The following ASIC5 variants were observed in gnomAD, a reference collection of about 807,000 sequenced individuals.
ASIC5 encodes the protein bile acid-sensitive ion channel.
A neutral mutation model predicts 51.2 loss-of-function variants in ASIC5; 52 were observed. That is an observed-to-expected ratio of 1.02 (90% CI 0.81 to 1.28). ASIC5 has a LOEUF of 1.28. Among genes scored for constraint, ASIC5 ranks in the 50% most tolerant of loss-of-function variants. The probability of loss-of-function intolerance (pLI) is 0.00; values close to 1 mark genes in which losing one functional copy is unlikely to be tolerated. For synonymous variants in ASIC5, 231 were observed against 200.7 expected (o/e 1.15, Z -1.28); for missense variants, 635 against 595.0 (o/e 1.07, Z -0.70).
At chr4:155,842,388 G>A in intron 5 of ASIC5, 34 bp from the exon 6 acceptor site, 1 of 1,538,046 alleles carries the variant, frequency 6.5e-7, no homozygotes. Flanking sequence ...TTCAGGAGAT[G>A]TGTTTACATC....
intron 2 of ASIC5, among the ~76,000 whole-genome samples, chr4:155,855,754 A>T (rs952846043): frequency 6.6e-6 from 1 of 150,654 alleles, no homozygotes; most frequent in African/African-American, 2.4e-5. Context: ...ATATAAAGAG[A>T]GAAGAAAATA....
At chr4:155,832,332 G>C (rs922773021) in intron 8 of ASIC5, among the ~76,000 whole-genome samples, 1 of 152,194 alleles carries the variant, frequency 6.6e-6, no homozygotes. Context: ...TGAGCTCACA[G>C]AGTTGCAGTG....
At chr4:155,862,809 T>C (rs1161048678) in intron 2 of ASIC5, among the ~76,000 whole-genome samples, 2 of 152,158 alleles carry the variant, frequency 1.3e-5, no homozygotes, top group African/African-American at 4.8e-5. Context: ...TTTTATATCG[T>C]TATGTGTTTG....
At chr4:155,862,211 G>T (rs540446117) in intron 2 of ASIC5, among the ~76,000 whole-genome samples, 1 of 152,016 alleles carries the variant, frequency 6.6e-6, no homozygotes, top group Admixed American at 6.6e-5. Flanking sequence ...CATTTTTTGG[G>T]GGGAAAGGAT....
chr4:155,843,326 C>T (rs1741163574), intron 5 of ASIC5, among the ~76,000 whole-genome samples: 1 of 152,098 alleles, frequency 6.6e-6, no homozygotes, highest in African/African-American at 2.4e-5. Flanking sequence ...CAGAAACCTA[C>T]CAGACCAGCC....
At chr4:155,831,160 GC>G (rs1306546086) in intron 9 of ASIC5, among the ~76,000 whole-genome samples, 1 of 152,170 alleles carries the variant, frequency 6.6e-6, no homozygotes, top group Non-Finnish European at 1.5e-5. Flanking sequence ...TTCTTTTTAA[GC>G]CACTCTAGGG....
At position 155,852,297 on chromosome 4, in the gene ASIC5, G is replaced by A; in HGVS notation, c.605C>T (p.Thr202Ile). ...AAAAGTAAAACAATTTCCATATTCA[G>A]TGAAGACATGTGCAAAATCCTCCAA... ...CSPKDFAHVF[T>I]EYGNCFTFNH... Residue 202 changes from threonine (T) to isoleucine (I), a missense_variant, in exon 4 of 10, where the codon ACT (threonine) becomes ATT (isoleucine). Transcript: ENST00000537611. 6.3e-7 allele frequency: 1 copy of A among 1,588,416 alleles called. No individual in the cohort carries two copies. The highest frequency in any genetic ancestry group is 8.5e-7 in the Non-Finnish European group (1 of 1,171,646).
At chr4:155,843,565 G>T in intron 5 of ASIC5, 116 bp downstream of exon 5, 2 of 1,138,866 alleles carry the variant, frequency 1.8e-6, no homozygotes, top group Non-Finnish European at 2.5e-6. Flanking sequence ...ATGAAATTTT[G>T]GAATTTCTAA....
intron 4 of ASIC5, among the ~76,000 whole-genome samples, chr4:155,848,827 CAAAT>C (rs1741315249): frequency 6.6e-6 from 1 of 152,034 alleles, no homozygotes; most frequent in Non-Finnish European, 1.5e-5. Context: ...TGCATGGACT[CAAAT>C]AATCTTTTTT....
chr4:155,838,330 A>G (rs1014714067), intron 7 of ASIC5, among the ~76,000 whole-genome samples: 1 of 152,194 alleles, frequency 6.6e-6, no homozygotes, highest in Non-Finnish European at 1.5e-5. Flanking sequence ...GGGGCTCTTT[A>G]ATAAGAACTT....
chr4:155,854,389 A>G (rs1741473224), intron 2 of ASIC5, 75 bp from the exon 3 acceptor site: 3 of 1,030,074 alleles, frequency 2.9e-6, no homozygotes, highest in Non-Finnish European at 2.9e-6. Context: ...ACCAACATCT[A>G]GATTCTATTA....
chr4:155,840,795 C>A (rs1741099455), intron 6 of ASIC5, among the ~76,000 whole-genome samples: 1 of 151,850 alleles, frequency 6.6e-6, no homozygotes, highest in Non-Finnish European at 1.5e-5. Flanking sequence ...TTCTAAACCG[C>A]CCCAAATTGC....
chr4:155,854,987 A>G (rs1741492874), intron 2 of ASIC5: 1 of 152,012 alleles, frequency 6.6e-6, no homozygotes, highest in African/African-American at 2.4e-5. Flanking sequence ...CTTCATATCC[A>G]TTTTCCCTTC....
intron 4 of ASIC5, among the ~76,000 whole-genome samples, chr4:155,851,729 T>G (rs1741385732): frequency 2.0e-5 from 3 of 152,010 alleles, no homozygotes; most frequent in Non-Finnish European, 4.4e-5. Context: ...CAAAATCTAT[T>G]TATATAATAT....
At chr4:155,865,731 A>C (rs921584830) in intron 1 of ASIC5, among the ~76,000 whole-genome samples, 12 of 152,106 alleles carry the variant, frequency 7.9e-5, no homozygotes, top group African/African-American at 2.7e-4. Context: ...AGGAAGATTA[A>C]AATTGGTTGA....
rs780556821 is a variant in ASIC5 at position 155,838,862 on chromosome 4, C to G, written c.1017G>C (p.Gly339=). The G allele has an allele frequency of 8.1e-5, 127 of 1,562,300 alleles. No homozygotes were observed. Among genetic ancestry groups the G allele is most frequent in the Non-Finnish European group, 1.1e-4 (123 of 1,136,386 alleles). The change falls in exon 7 of 10, where the codon GGG becomes GGC. Residue 339 remains glycine (G), a synonymous_variant. Transcript: ENST00000537611. ...AGTACTTTTGTAGGTCACATTCTATCCCATATCCTTAAAAATAATAAGTGT... is the reference window on the plus strand; with the variant it reads ...AGTACTTTTGTAGGTCACATTCTATGCCATATCCTTAAAAATAATAAGTGT... ...GCVPFLLPGY[G]IECDLQKYFS... is the part of the protein sequence containing the mutation.
chr4:155,842,058 T>C, intron 6 of ASIC5, 149 bp downstream of exon 6: 1 of 670,758 alleles, frequency 1.5e-6, no homozygotes, highest in East Asian at 2.8e-5. Context: ...AATTTTTCTG[T>C]GAATGGGTCA....
intron 5 of ASIC5, among the ~76,000 whole-genome samples, chr4:155,842,925 A>T (rs1216973130): frequency 6.6e-6 from 1 of 152,172 alleles, no homozygotes; most frequent in African/African-American, 2.4e-5. Context: ...CCCACCTCAC[A>T]GATTGAATCT....
At chr4:155,830,185 T>C (rs1471153900) in intron 9 of ASIC5, 139 bp from the exon 10 acceptor site, 1 of 577,152 alleles carries the variant, frequency 1.7e-6, no homozygotes, top group African/African-American at 1.9e-5. Context: ...ACATTTGATA[T>C]GAATAAGGTA....
Sources: allele counts gnomAD v4.1 joint callset (sites outside exome capture counted in the v4.1 genomes callset), GRCh38; gene constraint gnomAD v4.1.1; transcripts MANE v1.5; gene names NCBI Gene and HGNC (gene_info 2026-07-23, HGNC 2026-07-21).